TERT: variants seen among roughly 807,000 people sequenced by gnomAD.
TERT encodes the protein telomerase catalytic subunit.
Under a neutral mutation model 104.0 loss-of-function variants are expected in TERT, and 42 were observed. The ratio of observed to expected loss-of-function variants is 0.40; its 90% confidence interval spans 0.32 to 0.52. The LOEUF (loss-of-function observed/expected upper bound fraction) is 0.52, where lower values mean the gene tolerates loss of function less well. TERT is among the 20% of genes least tolerant of loss of function. The pLI, the probability that TERT is intolerant of heterozygous loss-of-function variation, is 0.43. For synonymous variants in TERT, 781 were observed against 725.6 expected (o/e 1.08, Z -1.23); for missense variants, 1,101 against 1,610.3 (o/e 0.68, Z 5.41).
In TERT at chr5:1,284,093, G is replaced by A. The variant is rs59980971; in HGVS notation, c.1574-1469C>T. Among the ~76,000 whole-genome samples, 908 of 142,372 alleles carry A rather than the reference G, an allele frequency of 6.4e-3. 9 individuals are homozygous for A. Among genetic ancestry groups the A allele is most frequent in the African/African-American group, 0.023 (843 of 37,354 alleles). The allele number at this position is 142,372 out of a possible 152,430, so 93.4% of individuals were successfully genotyped here. On this transcript the variant is annotated intron_variant, in intron 2 of 15. Coordinates refer to ENST00000310581, the MANE Select transcript of TERT (RefSeq NM_198253.3). ...CAGCAGGGCCTGGCAACCTCACCCC[G>A]GACCTGCATCATCCGGACTCCATAC...
chr5:1,266,672 TA>T (rs1554039531), intron 9 of TERT, 137 bp from the exon 10 acceptor site: 7 of 785,942 alleles, frequency 8.9e-6, no homozygotes, highest in Non-Finnish European at 1.5e-5. Flanking sequence ...ATGAAAAACT[TA>T]AATTTCTTTC....
rs143585580 is a variant in TERT at position 1,282,467 on chromosome 5, C to G, written c.1731G>C (p.Arg577=). The G allele has an allele frequency of 1.2e-6, 2 of 1,614,180 alleles. No individual in the cohort carries two copies. The highest frequency in any genetic ancestry group is 1.3e-5 in the African/African-American group (1 of 75,058). Residue 577 remains arginine (R), a synonymous_variant, in exon 3 of 16, where the codon CGG becomes CGC. Transcript: ENST00000310581. ...TTTGCAACTTGCTCCAGACACTCTT[C>G]CGGTAGAAAAAGAGCCTGTTCTTTT... ...TFQKNRLFFY[R]KSVWSKLQSI...
At position 1,256,937 on chromosome 5, in the gene TERT, C is replaced by T. The variant is rs1208560926; in HGVS notation, c.3033-1526G>A. Among the ~76,000 whole-genome samples, 1 of 152,116 alleles carries T rather than the reference C, an allele frequency of 6.6e-6. No homozygotes were observed. The highest frequency in any genetic ancestry group is 1.5e-5 in the Non-Finnish European group (1 of 68,014). ...GCCCCAGCGGATTTGAATCAGACCCCGCCCCCAGCGCCACGTGGACCACCA... is the reference window on the plus strand; with the variant it reads ...GCCCCAGCGGATTTGAATCAGACCCTGCCCCCAGCGCCACGTGGACCACCA... On this transcript the variant is annotated intron_variant, in intron 13 of 15. Coordinates refer to ENST00000310581, the MANE Select transcript of TERT (RefSeq NM_198253.3). This position sits in a 1 kb window ranked among gnomAD's most constrained non-coding sequence, Gnocchi z 7.0.
intron 5 of TERT, among the ~76,000 whole-genome samples, chr5:1,279,075 G>A (rs948226568): frequency 2.0e-5 from 3 of 152,190 alleles, no homozygotes; most frequent in Admixed American, 1.3e-4. Context: ...TTGGGAATAG[G>A]AGCCCGGGCA....
At chr5:1,290,655 A>G (rs369118477) in intron 2 of TERT, among the ~76,000 whole-genome samples, 31 of 38,610 alleles carry the variant, frequency 8.0e-4, no homozygotes, top group East Asian at 1.3e-3. Context: ...CACTCACCCT[A>G]CACGGGACAG....
chr5:1,280,376 G>C (rs1362559602), intron 3 of TERT, 38 bp from the exon 4 acceptor site: 3 of 1,602,970 alleles, frequency 1.9e-6, no homozygotes, highest in Non-Finnish European at 2.5e-6. Flanking sequence ...TGCTCAGCCA[G>C]ACAACAGACT....
chr5:1,271,406 G>A (rs1042749292), intron 7 of TERT, among the ~76,000 whole-genome samples: 2 of 152,230 alleles, frequency 1.3e-5, no homozygotes, highest in Admixed American at 6.5e-5. Context: ...GTGTGACACA[G>A]AATGTCTCCT....
At chr5:1,275,282 G>A (rs1444082872) in intron 6 of TERT, among the ~76,000 whole-genome samples, 2 of 151,384 alleles carry the variant, frequency 1.3e-5, no homozygotes, top group South Asian at 2.1e-4. Flanking sequence ...GCTGAGGCAA[G>A]AGAATTGCTT....
At chr5:1,264,231 AG>A (rs1229264273) in intron 11 of TERT, 172 bp downstream of exon 11, 1 of 671,540 alleles carries the variant, frequency 1.5e-6, no homozygotes, top group Non-Finnish European at 2.6e-6. Context: ...TCACTCCCAC[AG>A]AAAGATGCAT....
In TERT at chr5:1,262,968, G is replaced by T. The variant is rs1241868069; in HGVS notation, c.2843+1436C>A. 1.3e-5 allele frequency among the ~76,000 whole-genome samples: 2 copies of T among 152,220 alleles called. No individual in the cohort carries two copies. The highest frequency in any genetic ancestry group is 4.8e-5 in the African/African-American group (2 of 41,452). ...CAAAGCCAGTGGAGGCCAGGACCAG[G>T]TAAGGCTGTGAGAGGGAAGCAGGGA... On this transcript the variant is annotated intron_variant, in intron 11 of 15. Transcript: ENST00000310581. The surrounding 1 kb of genome is among the most constrained non-coding windows in gnomAD (Gnocchi z 5.6).
chr5:1,274,042 G>A lies in TERT; in HGVS notation c.2287-1762C>T, dbSNP rs1197764766. Among the ~76,000 whole-genome samples, 4 of 152,210 alleles carry A rather than the reference G, an allele frequency of 2.6e-5. No individual in the cohort carries two copies. The highest frequency in any genetic ancestry group is 9.6e-5 in the African/African-American group (4 of 41,452). ...TTACTACGGGACCTGCTAAGCCCCTGCGTCCCCAAGACAGGATGTGAGCAG... is the reference window on the plus strand; with the variant it reads ...TTACTACGGGACCTGCTAAGCCCCTACGTCCCCAAGACAGGATGTGAGCAG... On this transcript the variant is annotated intron_variant, in intron 6 of 15. Transcript: ENST00000310581. This position sits in a 1 kb window ranked among gnomAD's most constrained non-coding sequence, Gnocchi z 5.3.
chr5:1,281,690 C>T (rs1445759618), intron 3 of TERT, among the ~76,000 whole-genome samples: 3 of 151,906 alleles, frequency 2.0e-5, no homozygotes, highest in African/African-American at 7.2e-5. Context: ...CCAGGTGCTC[C>T]CTGCACAGGT....
intron 10 of TERT, 152 bp from the exon 11 acceptor site, chr5:1,264,744 C>A: frequency 1.2e-6 from 1 of 864,644 alleles, no homozygotes; most frequent in Non-Finnish European, 1.8e-6. Context: ...AGCCTGGACC[C>A]AGCCCTGCTC....
At chr5:1,254,543 C>A in intron 14 of TERT, 38 bp from the exon 15 acceptor site, 3 of 1,588,734 alleles carry the variant, frequency 1.9e-6, no homozygotes, top group Non-Finnish European at 2.6e-6. Flanking sequence ...ACAGGCCCAG[C>A]CCAGCTCCCC....
rs1454370746 is a variant in TERT at position 1,255,396 on chromosome 5, C to T, written c.3048G>A (p.Val1016=). 1 of 1,614,224 alleles carries T rather than the reference C, an allele frequency of 6.2e-7. No individual in the cohort carries two copies. Among genetic ancestry groups the T allele is most frequent in the Non-Finnish European group, 8.5e-7 (1 of 1,180,028 alleles). Reference sequence around the variant, plus strand: ...CTTGCTGATGAAATGGGAGCTGCAGCACACATGCGTGAAACCTGAGAGGAT... The same window carrying T: ...CTTGCTGATGAAATGGGAGCTGCAGTACACATGCGTGAAACCTGAGAGGAT... The part of the protein sequence containing the change: ...LLQAYRFHAC[V]LQLPFHQQVW... Residue 1016 remains valine, a synonymous_variant, in exon 14 of 16, where the codon GTG becomes GTA. Transcript: ENST00000310581. The surrounding 1 kb of genome is among the most constrained non-coding windows in gnomAD (Gnocchi z 6.9).
intron 13 of TERT, among the ~76,000 whole-genome samples, chr5:1,258,139 C>T (rs1339279649): frequency 6.6e-6 from 1 of 152,220 alleles, no homozygotes; most frequent in Non-Finnish European, 1.5e-5. Flanking sequence ...TGTGGGGAGC[C>T]ACAGCTCTGC....
rs368285217 is a variant in TERT at position 1,255,466 on chromosome 5, G to A, written c.3033-55C>T. The stretch of plus-strand genomic sequence containing the variant: ...AAGGCCTCCTAATCAGACGGTGCTC[G>A]TGGGTGTGGGCATGGGCCCACCGGT... On this transcript the variant is annotated intron_variant, in intron 13 of 15. Transcript: ENST00000310581. The surrounding 1 kb of genome is among the most constrained non-coding windows in gnomAD (Gnocchi z 6.9). 8.0e-5 allele frequency: 129 copies of A among 1,612,166 alleles called. No homozygotes were observed. In the East Asian group the frequency reaches 1.4e-3, roughly 18 times the overall value.
At chr5:1,291,818 G>T (rs1381735326) in intron 2 of TERT, among the ~76,000 whole-genome samples, 3 of 152,224 alleles carry the variant, frequency 2.0e-5, no homozygotes, top group African/African-American at 7.2e-5. Flanking sequence ...GACCTCATCT[G>T]AAGTCAGAGA....
At chr5:1,254,283 C>T in intron 15 of TERT, 85 bp downstream of exon 15, 1 of 1,589,434 alleles carries the variant, frequency 6.3e-7, no homozygotes, top group East Asian at 2.2e-5. Flanking sequence ...ACTTCAGCAG[C>T]ATCTGAGGCT....
Sources: gnomAD v4.1 joint callset for allele counts (sites outside exome capture counted in the v4.1 genomes callset) on GRCh38, gnomAD v4.1.1 for gene constraint, Gnocchi (gnomAD v3.1) non-coding constraint, MANE v1.5 for transcripts, NCBI Gene and HGNC (gene_info 2026-07-23, HGNC 2026-07-21) for gene names.